The following KCND3 variants were observed in gnomAD, a reference collection of about 807,000 sequenced individuals.
The protein encoded by KCND3 is A-type voltage-gated potassium channel KCND3.
In KCND3, 9 loss-of-function variants were observed where a neutral mutation model predicts 51.1. The observed-to-expected ratio is 0.18, with a 90% CI of 0.11 to 0.31. KCND3 has a LOEUF of 0.31. KCND3 is among the 10% of genes least tolerant of loss of function. KCND3 has a pLI of 1.00. For missense variants in KCND3, 526 were observed against 903.8 expected (o/e 0.58, Z 5.36); for synonymous variants, 349 against 368.0 (o/e 0.95, Z 0.59).
intron 2 of KCND3, among the ~76,000 whole-genome samples, chr1:111,813,481 T>C (rs955123343): frequency 6.6e-6 from 1 of 152,174 alleles, no homozygotes. Context: ...CTTCACATCA[T>C]AGCACATGTG....
intron 2 of KCND3, among the ~76,000 whole-genome samples, chr1:111,874,119 T>C (rs1668947340): frequency 6.6e-6 from 1 of 152,206 alleles, no homozygotes; most frequent in Non-Finnish European, 1.5e-5. Flanking sequence ...GCAGCTCATT[T>C]CCATACTGGT....
chr1:111,944,337 G>A (rs1324228889), intron 2 of KCND3, among the ~76,000 whole-genome samples: 4 of 152,354 alleles, frequency 2.6e-5, no homozygotes, highest in East Asian at 1.9e-4. Flanking sequence ...ATTCCACTCC[G>A]ATAAACGAAA....
chr1:111,857,205 C>A (rs569557015), intron 2 of KCND3, among the ~76,000 whole-genome samples: 3 of 152,328 alleles, frequency 2.0e-5, no homozygotes, highest in Admixed American at 2.0e-4. Flanking sequence ...CACAGCAGCC[C>A]TGTATGGTTT....
intron 2 of KCND3, among the ~76,000 whole-genome samples, chr1:111,932,321 G>A (rs1025735744): frequency 3.3e-5 from 5 of 152,224 alleles, no homozygotes; most frequent in South Asian, 4.1e-4. Flanking sequence ...CCTCCCACAA[G>A]GGCCAGCTCT....
chr1:111,871,746 G>C (rs1267468679), intron 2 of KCND3, among the ~76,000 whole-genome samples: 1 of 152,176 alleles, frequency 6.6e-6, no homozygotes, highest in Non-Finnish European at 1.5e-5. Context: ...GCAAAAAAGA[G>C]TCAAGGATGA....
intron 2 of KCND3, among the ~76,000 whole-genome samples, chr1:111,926,817 A>G (rs1370131103): frequency 6.6e-6 from 1 of 152,272 alleles, no homozygotes; most frequent in Non-Finnish European, 1.5e-5. Context: ...CTAGATCGTC[A>G]GCCTGGTCAA....
intron 2 of KCND3, among the ~76,000 whole-genome samples, chr1:111,963,174 C>A (rs747133384): frequency 1.3e-5 from 2 of 152,196 alleles, no homozygotes; most frequent in Admixed American, 6.5e-5. Flanking sequence ...CAACCCCCCA[C>A]CATACAGAAT....
At chr1:111,863,620 C>A (rs1571759712) in intron 2 of KCND3, among the ~76,000 whole-genome samples, 2 of 152,130 alleles carry the variant, frequency 1.3e-5, no homozygotes, top group Non-Finnish European at 2.9e-5. Context: ...ATCAGAGGGG[C>A]AATGAAGTAG....
intron 2 of KCND3, among the ~76,000 whole-genome samples, chr1:111,937,034 G>A (rs1387907382): frequency 6.6e-6 from 1 of 152,228 alleles, no homozygotes; most frequent in African/African-American, 2.4e-5. Context: ...AAGGGTCTCA[G>A]GAGAGAATGC....
Position 111,777,144 on chromosome 1 carries a change from G to C in KCND3, c.1648C>G (p.Arg550Gly). The C allele has an allele frequency of 6.2e-7, 1 of 1,614,172 alleles. No homozygotes were observed. The highest frequency in any genetic ancestry group is 8.5e-7 in the Non-Finnish European group (1 of 1,180,034). The change falls in exon 7 of 8, where the codon CGT becomes GGT. Residue 550 changes from arginine to glycine, a missense_variant. Around this residue, in one of 5 missense-constraint regions of KCND3, gnomAD observed 266 missense variants for 305.5 expected, o/e 0.87. Transcript: ENST00000302127. The part of the protein sequence containing the change: ...PGLTTTCCSR[R>G]SKKTTHLPNS... ...GGCAGGTGTGTGGTCTTCTTACTACGACGGGAGCAGCAGGTGGTAGTGAGG... is the reference window on the plus strand; with the variant it reads ...GGCAGGTGTGTGGTCTTCTTACTACCACGGGAGCAGCAGGTGGTAGTGAGG...
At chr1:111,933,024 C>T (rs1266313888) in intron 2 of KCND3, among the ~76,000 whole-genome samples, 1 of 152,174 alleles carries the variant, frequency 6.6e-6, no homozygotes, top group Non-Finnish European at 1.5e-5. Context: ...CCCCATGTGT[C>T]AAGGGTGGGA....
chr1:111,892,341 T>C (rs542058761), intron 2 of KCND3, among the ~76,000 whole-genome samples: 1 of 152,214 alleles, frequency 6.6e-6, no homozygotes, highest in East Asian at 1.9e-4. Context: ...TATCATTTAT[T>C]GGGCATTGCC....
chr1:111,945,436 T>G (rs1413615989), intron 2 of KCND3, among the ~76,000 whole-genome samples: 1 of 152,198 alleles, frequency 6.6e-6, no homozygotes, highest in Non-Finnish European at 1.5e-5. Flanking sequence ...TTTCAGACAC[T>G]GTACTGAGAG....
At chr1:111,919,907 C>T (rs2101835029) in intron 2 of KCND3, among the ~76,000 whole-genome samples, 1 of 152,348 alleles carries the variant, frequency 6.6e-6, no homozygotes, top group South Asian at 2.1e-4. Flanking sequence ...TGACACTGCC[C>T]TTGAAGGGGC....
chr1:111,886,852 A>T (rs1465714615), intron 2 of KCND3, among the ~76,000 whole-genome samples: 1 of 152,220 alleles, frequency 6.6e-6, no homozygotes, highest in African/African-American at 2.4e-5. Context: ...ATGCTTGACC[A>T]CTAAGCCTCC....
intron 2 of KCND3, among the ~76,000 whole-genome samples, chr1:111,842,359 A>G (rs1414883089): frequency 6.6e-6 from 1 of 152,028 alleles, no homozygotes; most frequent in Non-Finnish European, 1.5e-5. Flanking sequence ...CCCTGTGGGG[A>G]GCAGTCATGA....
chr1:111,934,706 C>T lies in KCND3; in HGVS notation c.1106+46915G>A, dbSNP rs762629643. Among the ~76,000 whole-genome samples, 8 of 152,302 alleles carry T rather than the reference C, an allele frequency of 5.3e-5. No homozygotes were observed. In the South Asian group the frequency reaches 6.2e-4, roughly 12 times the overall value. On this transcript the variant is annotated intron_variant, in intron 2 of 7. Transcript: ENST00000302127. ...TGAATCTGGGTGTGGACAGTGCAGG[C>T]AGTGAAGCAAATAATGGGGCAGTTG...
chr1:111,877,342 A>G (rs2101728885), intron 2 of KCND3, among the ~76,000 whole-genome samples: 1 of 152,332 alleles, frequency 6.6e-6, no homozygotes, highest in East Asian at 1.9e-4. Flanking sequence ...TTGAAGCTCC[A>G]TCACACTGGT....
At chr1:111,897,490 T>A (rs1192631451) in intron 2 of KCND3, among the ~76,000 whole-genome samples, 1 of 152,200 alleles carries the variant, frequency 6.6e-6, no homozygotes, top group African/African-American at 2.4e-5. Flanking sequence ...ACAGGCCTCA[T>A]CTGTGCGTGC....
Sources: gnomAD v4.1 joint callset for allele counts (sites outside exome capture counted in the v4.1 genomes callset) on GRCh38, gnomAD v4.1.1 for gene constraint, gnomAD v4.1.1 regional missense constraint, MANE v1.5 for transcripts, NCBI Gene and HGNC (gene_info 2026-07-23, HGNC 2026-07-21) for gene names.